The following DTX2 variants were observed in gnomAD, a reference collection of about 807,000 sequenced individuals.
DTX2 encodes the protein deltex E3 ubiquitin ligase 2, also known as probable E3 ubiquitin-protein ligase DTX2.
A neutral mutation model predicts 55.3 loss-of-function variants in DTX2; 29 were observed. The observed-to-expected ratio is 0.52, with a 90% CI of 0.39 to 0.71. The LOEUF is 0.71. Ranked by LOEUF, DTX2 falls within the 30% of genes least tolerant of loss-of-function variation. The probability of loss-of-function intolerance (pLI) is 0.00; values close to 1 mark genes in which losing one functional copy is unlikely to be tolerated. For synonymous variants in DTX2, 276 were observed against 340.4 expected (o/e 0.81, Z 2.08); for missense variants, 537 against 822.5 (o/e 0.65, Z 4.25).
intron 2 of DTX2, among the ~76,000 whole-genome samples, chr7:76,474,223 CTT>C (rs11308718): frequency 0.18 from 24,599 of 134,220 alleles, 2,371 homozygotes; most frequent in Middle Eastern, 0.3. Context: ...TCTTTCTTTT[CTT>C]TTTTTTTTTT....
Position 76,482,798 on chromosome 7 carries a change from G to C in DTX2, c.559G>C (p.Ala187Pro), listed in dbSNP as rs543279359. 5 of 1,613,610 alleles carry C rather than the reference G, an allele frequency of 3.1e-6. 1 individual carries two copies. Among genetic ancestry groups the C allele is most frequent in the Non-Finnish European group, 4.2e-6 (5 of 1,179,808 alleles). ...GCCTTACCCGGTGACCACCATCATCGCTCCGCCGGGCCACACAGGCGTCGC... is the reference window on the plus strand; with the variant it reads ...GCCTTACCCGGTGACCACCATCATCCCTCCGCCGGGCCACACAGGCGTCGC... ...GPPYPVTTIIAPPGHTGVACS... is the reference protein window; with the variant it reads ...GPPYPVTTIIPPPGHTGVACS... Residue 187 changes from alanine (A) to proline (P), a missense_variant, in exon 4 of 11, where the codon GCT (alanine) becomes CCT (proline). By Grantham distance (27) the Ala-to-Pro change is conservative (BLOSUM62 -1). This residue lies in a region of DTX2 where 301 missense variants were observed against 396.6 expected (regional missense o/e 0.76). Coordinates refer to ENST00000430490, the MANE Select transcript of DTX2 (RefSeq NM_001102594.3).
intron 2 of DTX2, among the ~76,000 whole-genome samples, chr7:76,466,463 TC>T (rs1234279544): frequency 6.6e-6 from 1 of 151,778 alleles, no homozygotes; most frequent in Non-Finnish European, 1.5e-5. Context: ...CTTTATCAGG[TC>T]CCCTTAGAAC....
At chr7:76,490,002 A>G (rs1810253578) in intron 4 of DTX2, among the ~76,000 whole-genome samples, 1 of 108,660 alleles carries the variant, frequency 9.2e-6, no homozygotes, top group African/African-American at 3.6e-5. Flanking sequence ...AACAGCTTTC[A>G]TAACCATGGT....
chr7:76,488,893 G>A lies in DTX2; in HGVS notation c.909-3260G>A, dbSNP rs1454032471. 8.9e-5 allele frequency among the ~76,000 whole-genome samples: 7 copies of A among 78,948 alleles called. 2 individuals carry two copies. The highest frequency in any genetic ancestry group is 1.3e-4 in the Non-Finnish European group (5 of 39,124). 51.8% of individuals were successfully genotyped at this position (78,948 alleles called of 152,430 possible). A position where few individuals can be genotyped will look rare whatever the true frequency, so the allele number is the denominator to read the frequency against. On this transcript the variant is annotated intron_variant, in intron 4 of 10. Transcript: ENST00000430490. Reference sequence around the variant, plus strand: ...AGCCTGGATGACAGAGTGAGACTCCGAGAAAAAAAAAAAAAGTGGGGGGAA... The same window carrying A: ...AGCCTGGATGACAGAGTGAGACTCCAAGAAAAAAAAAAAAAGTGGGGGGAA...
Position 76,505,970 on chromosome 7 carries a change from C to T in DTX2, c.*369C>T, listed in dbSNP as rs563104288. 2.6e-6 allele frequency: 1 copy of T among 381,014 alleles called. No homozygotes were observed. Among genetic ancestry groups the T allele is most frequent in the East Asian group, 5.5e-5 (1 of 18,292 alleles). 23.6% of individuals were successfully genotyped at this position (381,014 alleles called of 1,614,324 possible). On this transcript the variant is annotated 3_prime_UTR_variant, in exon 11 of 11. Coordinates refer to ENST00000430490, the MANE Select transcript of DTX2 (RefSeq NM_001102594.3). This position sits in a 1 kb window ranked among gnomAD's most constrained non-coding sequence, Gnocchi z 4.4. ...GCTTCTTTTACCTCAATTTTGTTTG[C>T]AATAAATGCTCTATAGCCAAAGCCA... is the stretch of plus-strand genomic sequence containing the variant.
chr7:76,490,620 A>G (rs2539647), intron 4 of DTX2, among the ~76,000 whole-genome samples: 134 of 128,494 alleles, frequency 1.0e-3, no homozygotes, highest in South Asian at 5.0e-3. Context: ...AATGCCCTTT[A>G]TTATTTCTTT....
rs1227626055 is a variant in DTX2, at chr7:76,483,102, G to C, written c.863G>C (p.Gly288Ala). 2.5e-6 allele frequency: 4 copies of C among 1,612,926 alleles called. No individual in the cohort carries two copies. Among genetic ancestry groups the C allele is most frequent in the Non-Finnish European group, 3.4e-6 (4 of 1,179,800 alleles). Reference protein sequence around the residue: ...PLYRSSLSHLGPQHLPPGSST... With the variant: ...PLYRSSLSHLAPQHLPPGSST... ...TACCGCTCCAGCCTCTCCCACCTGG[G>C]ACCGCAGCACCTGCCCCCAGGATCC... Residue 288 changes from glycine to alanine, a missense_variant, in exon 4 of 11, where the codon GGA (glycine) becomes GCA (alanine). Transcript: ENST00000430490.
chr7:76,503,043 G>A (rs576563961), intron 8 of DTX2: 48 of 267,544 alleles, frequency 1.8e-4, no homozygotes, highest in African/African-American at 8.8e-4. Flanking sequence ...GTCATGTGGC[G>A]CATCGGAGCC....
intron 2 of DTX2, among the ~76,000 whole-genome samples, chr7:76,472,974 A>G (rs527489407): frequency 2.6e-5 from 4 of 152,164 alleles, no homozygotes; most frequent in African/African-American, 7.2e-5. Context: ...TGATACATAT[A>G]TTACCAAATT....
intron 2 of DTX2, among the ~76,000 whole-genome samples, chr7:76,473,249 C>A (rs972787652): frequency 6.6e-6 from 1 of 151,976 alleles, no homozygotes; most frequent in Non-Finnish European, 1.5e-5. Context: ...AACAAGACAT[C>A]CCCCGTGGGT....
Position 76,505,473 on chromosome 7 carries a change from A to G in DTX2, c.1741A>G (p.Ile581Val). ...GETDTVVWNE[I>V]HHKTEMDRNI... ...GACGGACACCGTGGTATGGAACGAGATCCACCACAAGACAGAGATGGACCG... is the reference window on the plus strand; with the variant it reads ...GACGGACACCGTGGTATGGAACGAGGTCCACCACAAGACAGAGATGGACCG... Residue 581 changes from isoleucine to valine, a missense_variant, in exon 11 of 11, where the codon ATC becomes GTC. Physicochemically the swap from Ile to Val is conservative, Grantham distance 29. Transcript: ENST00000430490. The surrounding 1 kb of genome is among the most constrained non-coding windows in gnomAD (Gnocchi z 4.4). 6.2e-7 allele frequency: 1 copy of G among 1,609,006 alleles called. No homozygotes were observed. Among genetic ancestry groups the G allele is most frequent in the Non-Finnish European group, 8.5e-7 (1 of 1,177,912 alleles).
intron 5 of DTX2, 130 bp downstream of exon 5, chr7:76,492,383 T>C: frequency 3.0e-6 from 3 of 985,562 alleles, no homozygotes; most frequent in Non-Finnish European, 4.2e-6. Context: ...GGGGGAGCAG[T>C]GCCTCTTTCT....
rs566691920 is a variant in DTX2 at position 76,505,300 on chromosome 7, A to G, written c.1642-74A>G. On this transcript the variant is annotated intron_variant, in intron 10 of 10. Coordinates refer to ENST00000430490, the MANE Select transcript of DTX2 (RefSeq NM_001102594.3). The surrounding 1 kb of genome is among the most constrained non-coding windows in gnomAD (Gnocchi z 4.4). ...CTGGGATGGGAAGAACATGGTGCCA[A>G]CCCGTGCCTGCTCACTGAGCCCCTC... The G allele has an allele frequency of 3.0e-5, 38 of 1,274,512 alleles. No homozygotes were observed. In the African/African-American group the frequency reaches 4.4e-4, roughly 15 times the overall value. 79.0% of individuals were successfully genotyped at this position (1,274,512 alleles called of 1,614,324 possible). A position where few individuals can be genotyped will look rare whatever the true frequency, so the allele number is the denominator to read the frequency against.
chr7:76,502,156 C>G (rs1266652954), intron 7 of DTX2, 142 bp from the exon 8 acceptor site: 3 of 724,272 alleles, frequency 4.1e-6, no homozygotes, highest in Non-Finnish European at 6.8e-6. Flanking sequence ...GGATTACAGG[C>G]CTGAGCCACT....
At chr7:76,504,781 A>G (rs1006166758) in intron 10 of DTX2, among the ~76,000 whole-genome samples, 3 of 152,018 alleles carry the variant, frequency 2.0e-5, no homozygotes, top group Non-Finnish European at 2.9e-5. Flanking sequence ...TGAGACATGA[A>G]TAGGGACTTT....
intron 2 of DTX2, among the ~76,000 whole-genome samples, chr7:76,469,960 AG>A (rs1312279052): frequency 7.0e-6 from 1 of 142,800 alleles, no homozygotes; most frequent in Non-Finnish European, 1.5e-5. Flanking sequence ...AGTCAGGTGG[AG>A]GGGCTTAGCA....
intron 5 of DTX2, among the ~76,000 whole-genome samples, chr7:76,495,711 C>T (rs1387489354): frequency 6.6e-5 from 10 of 151,036 alleles, no homozygotes; most frequent in African/African-American, 2.2e-4. Flanking sequence ...GGTGGGACCT[C>T]GTGGAACTCG....
chr7:76,502,482 G>A, intron 8 of DTX2, 26 bp downstream of exon 8: 7 of 1,606,592 alleles, frequency 4.4e-6, no homozygotes, highest in Non-Finnish European at 5.9e-6. Context: ...CAGGGCGGAG[G>A]CGGGTGGCCC....
chr7:76,482,605 T>A lies in DTX2; in HGVS notation c.366T>A (p.Thr122=). The change falls in exon 4 of 11, where the codon ACT becomes ACA. Residue 122 remains threonine, a synonymous_variant. Transcript: ENST00000430490. ...WEWLSDDGSW[T]AYEASVCDYL... ...GGCTGAGCGACGATGGCTCCTGGAC[T>A]GCCTATGAAGCCAGCGTCTGTGACT... 6.2e-7 allele frequency: 1 copy of A among 1,613,772 alleles called. No homozygotes were observed. The highest frequency in any genetic ancestry group is 2.2e-5 in the East Asian group (1 of 44,848).
Sources: allele counts gnomAD v4.1 joint callset (sites outside exome capture counted in the v4.1 genomes callset), GRCh38; gene constraint gnomAD v4.1.1; regional missense constraint gnomAD v4.1.1; non-coding constraint Gnocchi (gnomAD v3.1); transcripts MANE v1.5; gene names NCBI Gene and HGNC (gene_info 2026-07-23, HGNC 2026-07-21).